The following PGLS variants were observed in gnomAD, a reference collection of about 807,000 sequenced individuals.
PGLS encodes 6-phosphogluconolactonase, also known as epididymis secretory protein Li 304.
PGLS carries 21 observed loss-of-function variants against 23.2 expected under a neutral mutation model. That is an observed-to-expected ratio of 0.91 (90% CI 0.64 to 1.31). The LOEUF (loss-of-function observed/expected upper bound fraction) is 1.31, where lower values mean the gene tolerates loss of function less well. Ranked by LOEUF, PGLS falls within the 50% of genes most tolerant of loss-of-function variation. The pLI is 0.00. For missense variants in PGLS, 410 were observed against 354.0 expected, an observed-to-expected ratio of 1.16 and a Z score of -1.27; for synonymous variants, 179 against 165.4, an observed-to-expected ratio of 1.08 and a Z score of -0.63.
intron 1 of PGLS, chr19:17,512,321 CGCAGG>C: frequency 3.2e-6 from 1 of 313,706 alleles, no homozygotes. Context: ...CAGTGGGTCC[CGCAGG>C]ACCTCACTGC....
intron 2 of PGLS, among the ~76,000 whole-genome samples, chr19:17,517,016 C>T (rs1194450590): frequency 6.6e-6 from 1 of 151,916 alleles, no homozygotes; most frequent in Non-Finnish European, 1.5e-5. Context: ...TCCCAAGTAG[C>T]TAGGACTACA....
intron 4 of PGLS, among the ~76,000 whole-genome samples, chr19:17,519,591 G>C (rs2144646433): frequency 6.6e-6 from 1 of 152,024 alleles, no homozygotes; most frequent in South Asian, 2.1e-4. Context: ...GTAGAGACAG[G>C]GTTTCACAAC....
At chr19:17,512,761 A>C (rs2075515320) in intron 1 of PGLS, 2 of 152,144 alleles carry the variant, frequency 1.3e-5, no homozygotes, top group African/African-American at 2.4e-5. Flanking sequence ...ACCTCAAGTC[A>C]CTTGAGTCTG....
At chr19:17,518,290 A>G (rs991221011) in intron 4 of PGLS, 4 of 153,220 alleles carry the variant, frequency 2.6e-5, no homozygotes, top group African/African-American at 7.2e-5. Context: ...TATATTTTAA[A>G]CTTTAATGGT....
Position 17,511,838 on chromosome 19 carries a change from C to T in PGLS, c.166C>T (p.Arg56Cys). The stretch of plus-strand genomic sequence containing the variant: ...CGGGAGCCTCGTCTCGATGCTAGCC[C>T]GCGAGCTACCCGCCGCCGTCGCCCC... ...SGGSLVSMLARELPAAVAPAG... is the reference protein window; with the variant it reads ...SGGSLVSMLACELPAAVAPAG... The change falls in exon 1 of 5, where the codon CGC (arginine) becomes TGC (cysteine). Residue 56 changes from arginine (R) to cysteine (C), a missense_variant. Transcript: ENST00000252603. The T allele has an allele frequency of 6.5e-6, 10 of 1,529,240 alleles. No individual in the cohort carries two copies. Among genetic ancestry groups the T allele is most frequent in the Non-Finnish European group, 7.9e-6 (9 of 1,142,054 alleles). 94.7% of individuals were successfully genotyped at this position (1,529,240 alleles called of 1,614,324 possible). A position where few individuals can be genotyped will look rare whatever the true frequency, so the allele number is the denominator to read the frequency against.
intron 1 of PGLS, chr19:17,512,530 A>G (rs8102140): frequency 0.55 from 83,500 of 152,358 alleles, 23,003 homozygotes; most frequent in Middle Eastern, 0.62. Flanking sequence ...TAGAGCCTGA[A>G]TCTCAGGGTC....
chr19:17,512,867 A>C (rs1354928464), intron 1 of PGLS: 7 of 152,154 alleles, frequency 4.6e-5, no homozygotes, highest in Non-Finnish European at 2.9e-5. Flanking sequence ...ATTAAGAGAA[A>C]AGGCTTACTG....
At chr19:17,520,220 G>A (rs1216543886) in intron 4 of PGLS, among the ~76,000 whole-genome samples, 1 of 152,032 alleles carries the variant, frequency 6.6e-6, no homozygotes, top group Non-Finnish European at 1.5e-5. Flanking sequence ...AGACCAGCCT[G>A]GCTAATATGG....
intron 4 of PGLS, chr19:17,520,354 C>G (rs892496313): frequency 3.3e-5 from 5 of 151,884 alleles, no homozygotes; most frequent in African/African-American, 1.2e-4. Context: ...TCTAGACCAG[C>G]CTGACCAACA....
chr19:17,515,305 A>T (rs1013518299), intron 1 of PGLS, among the ~76,000 whole-genome samples: 1 of 151,954 alleles, frequency 6.6e-6, no homozygotes, highest in African/African-American at 2.4e-5. Flanking sequence ...CCCTGCGTTT[A>T]CTTCGTGGCT....
chr19:17,520,895 C>A, intron 4 of PGLS, 49 bp from the exon 5 acceptor site: 1 of 1,503,146 alleles, frequency 6.7e-7, no homozygotes, highest in East Asian at 2.5e-5. Flanking sequence ...TGCCGAGGGG[C>A]GGTGCCTGGG....
In PGLS at chr19:17,521,279, G is replaced by A. The variant is rs2075556688; in HGVS notation, c.*198G>A. 1.1e-5 allele frequency: 6 copies of A among 571,044 alleles called. No homozygotes were observed. The highest frequency in any genetic ancestry group is 3.4e-5 in the Admixed American group (1 of 29,042). The allele number at this position is 571,044 out of a possible 1,614,324, so 35.4% of individuals were successfully genotyped here. Reference sequence around the variant, plus strand: ...TGGACATCCGGATATTAAAAGGAGCGTTGCTGGAAGTCTGCACTGTCTCGC... The same window carrying A: ...TGGACATCCGGATATTAAAAGGAGCATTGCTGGAAGTCTGCACTGTCTCGC... On this transcript the variant is annotated 3_prime_UTR_variant, in exon 5 of 5. Transcript: ENST00000252603.
chr19:17,515,472 T>C (rs2075528116), intron 1 of PGLS, among the ~76,000 whole-genome samples: 1 of 152,080 alleles, frequency 6.6e-6, no homozygotes, highest in African/African-American at 2.4e-5. Flanking sequence ...TTGAGTTAAA[T>C]CTGCTGCCAA....
In PGLS at chr19:17,521,095, C is replaced by G. The variant is rs201750643; in HGVS notation, c.*14C>G. 6.9e-6 allele frequency: 11 copies of G among 1,584,162 alleles called. No individual in the cohort carries two copies. The highest frequency in any genetic ancestry group is 8.6e-6 in the Non-Finnish European group (10 of 1,163,790). ...TCCACTTTGTAGCTGGCCAGAGGGA[C>G]GCCGCAGCTGGGACCAGGCACGCGG... On this transcript the variant is annotated 3_prime_UTR_variant, in exon 5 of 5. Transcript: ENST00000252603.
rs771458345 is a variant in PGLS, at chr19:17,517,853, A to G, written c.639+3A>G. Reference sequence around the variant, plus strand: ...AAGGCAAGGCAGCTGTTCTGAAGGTAACAGCTGAGGGTTCTAGTCCTGGGA... The same window carrying G: ...AAGGCAAGGCAGCTGTTCTGAAGGTGACAGCTGAGGGTTCTAGTCCTGGGA... On this transcript the variant is annotated splice_donor_region_variant and intron_variant, in intron 4 of 4. Transcript: ENST00000252603. 1 of 1,613,996 alleles carries G rather than the reference A, an allele frequency of 6.2e-7. No homozygotes were observed. The highest frequency in any genetic ancestry group is 8.5e-7 in the Non-Finnish European group (1 of 1,180,000).
chr19:17,512,224 A>T (rs1323802583), intron 1 of PGLS: 4 of 508,342 alleles, frequency 7.9e-6, no homozygotes, highest in Non-Finnish European at 1.4e-5. Flanking sequence ...TCATGCCGAG[A>T]TGGTCACGCC....
chr19:17,521,020 T>G lies in PGLS; in HGVS notation c.716T>G (p.Phe239Cys). Residue 239 changes from phenylalanine to cysteine, a missense_variant, in exon 5 of 5, where the codon TTC becomes TGC. Transcript: ENST00000252603. ...VQPHTGKLCWFLDEAAARLLT... is the reference protein window; with the variant it reads ...VQPHTGKLCWCLDEAAARLLT... ...CCCCACACCGGGAAACTGTGCTGGT[T>G]CTTGGACGAGGCGGCCGCCCGCCTC... The G allele has an allele frequency of 6.2e-7, 1 of 1,602,032 alleles. No individual in the cohort carries two copies. Among genetic ancestry groups the G allele is most frequent in the Non-Finnish European group, 8.5e-7 (1 of 1,173,558 alleles).
chr19:17,513,546 T>A lies in PGLS; in HGVS notation c.288+1586T>A, dbSNP rs553675021. Among the ~76,000 whole-genome samples, 13 of 140,936 alleles carry A rather than the reference T, an allele frequency of 9.2e-5. No homozygotes were observed. The East Asian group carries it at 2.5e-3, about 27-fold the overall frequency. 92.5% of individuals were successfully genotyped at this position (140,936 alleles called of 152,430 possible). A position where few individuals can be genotyped will look rare whatever the true frequency, so the allele number is the denominator to read the frequency against. On this transcript the variant is annotated intron_variant, in intron 1 of 4. Coordinates refer to ENST00000252603, the MANE Select transcript of PGLS (RefSeq NM_012088.3). The stretch of plus-strand genomic sequence containing the variant: ...AAAAAAGCAGGTTTTTGGCCGGGCG[T>A]GGTGGCTCATACCTGTAATCTCAGC...
intron 2 of PGLS, 103 bp downstream of exon 2, chr19:17,516,383 G>C (rs746969819): frequency 1.1e-4 from 165 of 1,493,328 alleles, no homozygotes; most frequent in Non-Finnish European, 1.4e-4. Flanking sequence ...ACTGCCCCAG[G>C]GATCACTGGC....
Sources: allele counts gnomAD v4.1 joint callset (sites outside exome capture counted in the v4.1 genomes callset), GRCh38; gene constraint gnomAD v4.1.1; transcripts MANE v1.5; gene names NCBI Gene and HGNC (gene_info 2026-07-23, HGNC 2026-07-21).